Variants in CCDC178 observed in about 807,000 individuals in gnomAD.
CCDC178 encodes the protein coiled-coil domain-containing protein 178.
A neutral mutation model predicts 117.4 loss-of-function variants in CCDC178; 126 were observed. The ratio of observed to expected loss-of-function variants is 1.07; its 90% CI spans 0.93 to 1.24. The LOEUF is 1.24. CCDC178 is among the 50% of genes most tolerant of loss of function. The pLI, the probability that CCDC178 is intolerant of heterozygous loss-of-function variation, is 0.00. For missense variants in CCDC178, 1,030 were observed against 986.9 expected (o/e 1.04, Z -0.59); for synonymous variants, 283 against 313.4 (o/e 0.90, Z 1.02).
In CCDC178 at chr18:32,937,538, T is replaced by G. The variant is rs1297159539; in HGVS notation, c.*473A>C. The G allele has an allele frequency of 6.5e-6, 1 of 153,922 alleles. No individual in the cohort carries two copies. The highest frequency in any genetic ancestry group is 2.4e-5 in the African/African-American group (1 of 41,448). The allele number at this position is 153,922 out of a possible 1,614,324, so 9.5% of individuals were successfully genotyped here. A position where few individuals can be genotyped will look rare whatever the true frequency, so the allele number is the denominator to read the frequency against. On this transcript the variant is annotated 3_prime_UTR_variant, in exon 23 of 23. Coordinates refer to ENST00000383096, the MANE Select transcript of CCDC178 (RefSeq NM_001105528.4). Reference sequence around the variant, plus strand: ...CAGCTCTCAGTGAGCTAAAAAAGACTGGTAAACACAAAAACAAAAGTACAT... The same window carrying G: ...CAGCTCTCAGTGAGCTAAAAAAGACGGGTAAACACAAAAACAAAAGTACAT...
At chr18:32,958,230 CA>C (rs777272211) in intron 22 of CCDC178, 224 of 560,582 alleles carry the variant, frequency 4.0e-4, no homozygotes, top group Non-Finnish European at 1.2e-4. Context: ...TTCTGTAAAA[CA>C]AAAACATAGT....
At chr18:33,248,838 C>T (rs2059581641) in intron 14 of CCDC178, among the ~76,000 whole-genome samples, 1 of 152,080 alleles carries the variant, frequency 6.6e-6, no homozygotes, top group East Asian at 1.9e-4. Flanking sequence ...TGAGGAATCG[C>T]CACACTGTCT....
intron 16 of CCDC178, among the ~76,000 whole-genome samples, chr18:33,225,864 C>A (rs780087007): frequency 7.0e-6 from 1 of 142,644 alleles, no homozygotes; most frequent in Non-Finnish European, 1.6e-5. Flanking sequence ...TAGATCATCT[C>A]AAAAAACACT....
At position 33,002,423 on chromosome 18, in the gene CCDC178, C is replaced by T. The variant is rs1159069356; in HGVS notation, c.2389-27742G>A. ...CAAACATATGGAATTAAACAATATGCTCCTAAATGACCAGTGGGTCAATGA... is the reference window on the plus strand; with the variant it reads ...CAAACATATGGAATTAAACAATATGTTCCTAAATGACCAGTGGGTCAATGA... On this transcript the variant is annotated intron_variant, in intron 21 of 22. Transcript: ENST00000383096. Among the ~76,000 whole-genome samples, 3 of 151,420 alleles carry T rather than the reference C, an allele frequency of 2.0e-5. No homozygotes were observed. The East Asian group carries it at 5.8e-4, about 29-fold the overall frequency.
At chr18:33,226,960 A>G (rs2059310506) in intron 15 of CCDC178, 105 bp from the exon 16 acceptor site, 1 of 422,496 alleles carries the variant, frequency 2.4e-6, no homozygotes, top group Non-Finnish European at 4.1e-6. Flanking sequence ...GTTTCAATAT[A>G]GAGTAAAATA....
intron 20 of CCDC178, among the ~76,000 whole-genome samples, chr18:33,184,122 A>C (rs557307242): frequency 5.7e-4 from 87 of 152,228 alleles, no homozygotes; most frequent in Non-Finnish European, 1.0e-3. Context: ...GAGGATGTTT[A>C]GATTTGTTTT....
At chr18:33,336,419 T>C (rs1393752216) in intron 9 of CCDC178, among the ~76,000 whole-genome samples, 1 of 152,114 alleles carries the variant, frequency 6.6e-6, no homozygotes, top group Non-Finnish European at 1.5e-5. Flanking sequence ...CTTCCAGAAA[T>C]TTCCATTCCA....
intron 10 of CCDC178, among the ~76,000 whole-genome samples, chr18:33,330,039 A>G (rs2062643826): frequency 7.3e-6 from 1 of 136,382 alleles, no homozygotes; most frequent in Admixed American, 7.6e-5. Context: ...CAGATTTCCT[A>G]TTTCTTCTTG....
intron 7 of CCDC178, among the ~76,000 whole-genome samples, chr18:33,354,627 T>C (rs8097059): frequency 0.34 from 49,921 of 145,896 alleles, 9,926 homozygotes; most frequent in African/African-American, 0.55. Flanking sequence ...TTTTTTTTTT[T>C]CCAGACAGAG....
At chr18:33,440,609 G>A (rs1282753419) in intron 1 of CCDC178, 44 bp downstream of exon 1, 2 of 148,432 alleles carry the variant, frequency 1.3e-5, no homozygotes, top group African/African-American at 2.6e-5. Flanking sequence ...GCCCCGCGCC[G>A]AGGCACAAGC....
At chr18:33,354,395 T>G (rs1039135782) in intron 7 of CCDC178, among the ~76,000 whole-genome samples, 1 of 152,140 alleles carries the variant, frequency 6.6e-6, no homozygotes, top group Non-Finnish European at 1.5e-5. Flanking sequence ...CCCTTTCTTC[T>G]CACTTTTTGA....
At chr18:33,350,356 A>G (rs549675208) in intron 7 of CCDC178, among the ~76,000 whole-genome samples, 10 of 152,208 alleles carry the variant, frequency 6.6e-5, no homozygotes, top group Admixed American at 2.6e-4. Context: ...CATTCACAAC[A>G]TCGTACAACT....
intron 20 of CCDC178, among the ~76,000 whole-genome samples, chr18:33,119,327 T>G (rs1400497536): frequency 6.6e-6 from 1 of 151,966 alleles, no homozygotes; most frequent in Admixed American, 6.6e-5. Context: ...ACAAAGAACT[T>G]AAACAAATTT....
At chr18:33,077,946 C>T (rs1181326932) in intron 21 of CCDC178, among the ~76,000 whole-genome samples, 1 of 152,164 alleles carries the variant, frequency 6.6e-6, no homozygotes, top group Admixed American at 6.5e-5. Flanking sequence ...CAGCATCATC[C>T]TGACATGAAA....
chr18:33,109,903 G>A (rs2057758454), intron 20 of CCDC178, among the ~76,000 whole-genome samples: 1 of 151,420 alleles, frequency 6.6e-6, no homozygotes, highest in Admixed American at 6.6e-5. Context: ...TATGAATAAA[G>A]CTGACAGTAA....
intron 22 of CCDC178, among the ~76,000 whole-genome samples, chr18:32,948,434 G>A (rs2054403948): frequency 1.3e-5 from 2 of 152,046 alleles, no homozygotes; most frequent in Admixed American, 1.3e-4. Flanking sequence ...CATTTTTGAT[G>A]CTATTGTATA....
intron 22 of CCDC178, among the ~76,000 whole-genome samples, chr18:32,939,105 T>C (rs996990948): frequency 1.3e-5 from 2 of 152,172 alleles, no homozygotes; most frequent in African/African-American, 4.8e-5. Context: ...GCTCTGGATG[T>C]CTGGATGTCA....
At chr18:33,030,038 A>G (rs1235640540) in intron 21 of CCDC178, among the ~76,000 whole-genome samples, 16 of 151,950 alleles carry the variant, frequency 1.1e-4, no homozygotes, top group African/African-American at 3.9e-4. Flanking sequence ...TCTTCTTCCT[A>G]GTTATTTTAC....
chr18:33,328,089 T>G (rs887509959), intron 10 of CCDC178: 3 of 114,336 alleles, frequency 2.6e-5, no homozygotes. Context: ...CTAGATTTTT[T>G]TTTTTTTTTT....
Sources: gnomAD v4.1 joint callset for allele counts (sites outside exome capture counted in the v4.1 genomes callset) on GRCh38, gnomAD v4.1.1 for gene constraint, MANE v1.5 for transcripts, NCBI Gene and HGNC (gene_info 2026-07-23, HGNC 2026-07-21) for gene names.